Variants in TCF7 observed in about 807,000 individuals in gnomAD.
The protein encoded by TCF7 is T-cell-factor-7.
In TCF7, 19 loss-of-function variants were observed where a neutral mutation model predicts 46.8. That is an observed-to-expected ratio of 0.41 (90% CI 0.28 to 0.60). The LOEUF (loss-of-function observed/expected upper bound fraction) is 0.60. Ranked by LOEUF, TCF7 falls within the 20% of genes least tolerant of loss-of-function variation. The pLI is 0.35. For synonymous variants in TCF7, 245 were observed against 213.4 expected (o/e 1.15, Z -1.29); for missense variants, 547 against 504.6 (o/e 1.08, Z -0.81).
At chr5:134,113,737 GAATCC>G (rs1561640392), upstream of TCF7, among the ~76,000 whole-genome samples, 1 of 152,270 alleles carries the variant, frequency 6.6e-6, no homozygotes, top group Non-Finnish European at 1.5e-5. Context: ...AGATGCGCTG[GAATCC>G]AGGCACTTTC....
chr5:134,109,641 G>C, the TCF7 span, among the ~76,000 whole-genome samples: 278 of 152,164 alleles, frequency 1.8e-3, no homozygotes, highest in African/African-American at 6.3e-3. Flanking sequence ...GTGGTGGCAG[G>C]TGCCTGTAAT....
intron 9 of TCF7, chr5:134,144,698 G>T: frequency 1.1e-6 from 1 of 893,238 alleles, no homozygotes; most frequent in Non-Finnish European, 1.8e-6. Flanking sequence ...GTCTATAACT[G>T]GCTAACACTG....
At chr5:134,118,840 G>A (rs1278410587) in intron 3 of TCF7, among the ~76,000 whole-genome samples, 8 of 152,092 alleles carry the variant, frequency 5.3e-5, no homozygotes, top group Admixed American at 2.0e-4. Flanking sequence ...GGAGTGCAGT[G>A]GTGTGATCTT....
upstream of TCF7, among the ~76,000 whole-genome samples, chr5:134,109,944 C>G (rs748016398): frequency 2.0e-5 from 3 of 152,176 alleles, no homozygotes; most frequent in African/African-American, 4.8e-5. Context: ...ACCCGGCAGC[C>G]TAGGACCTGG....
rs1236742306 is a variant in TCF7 at position 134,147,685 on chromosome 5, G to T, written c.*1382G>T. 1 of 152,370 alleles carries T rather than the reference G, an allele frequency of 6.6e-6. No homozygotes were observed. 9.4% of individuals were successfully genotyped at this position (152,370 alleles called of 1,614,324 possible). A position where few individuals can be genotyped will look rare whatever the true frequency, so the allele number is the denominator to read the frequency against. ...TTTTTTGCCTAAATCCAAAGAAAAA[G>T]GGCTGCCGGGCCAGGCGCGGTGGCT... On this transcript the variant is annotated 3_prime_UTR_variant, in exon 10 of 10. Transcript: ENST00000342854.
chr5:134,130,320 C>T (rs1232260117), intron 3 of TCF7, among the ~76,000 whole-genome samples: 2 of 151,056 alleles, frequency 1.3e-5, no homozygotes, highest in African/African-American at 2.5e-5. Context: ...GCAGACTCCT[C>T]GGCACAAAGC....
chr5:134,142,047 T>TA (rs1759868337), intron 5 of TCF7, 138 bp from the exon 6 acceptor site: 4 of 1,221,984 alleles, frequency 3.3e-6, no homozygotes, highest in Non-Finnish European at 4.6e-6. Flanking sequence ...TCTGTGTACT[T>TA]ATGTCTAGGC....
chr5:134,115,052 C>A lies in TCF7; in HGVS notation c.146C>A (p.Ala49Asp). ...DSAAGPERDL[A>D]ELKSSLVNES... ...GCCGCCGGTCCCGAGCGCGACCTGGCCGAGCTCAAGTCGTCGCTCGTGAAC... is the reference window on the plus strand; with the variant it reads ...GCCGCCGGTCCCGAGCGCGACCTGGACGAGCTCAAGTCGTCGCTCGTGAAC... Residue 49 changes from alanine (A) to aspartate (D), a missense_variant, in exon 1 of 10, where the codon GCC (alanine) becomes GAC (aspartate). Physicochemically the swap from Ala to Asp is moderately radical, Grantham distance 126 (BLOSUM62 -2). Transcript: ENST00000342854. 1 of 1,223,006 alleles carries A rather than the reference C, an allele frequency of 8.2e-7. No homozygotes were observed. The highest frequency in any genetic ancestry group is 2.9e-5 in the Admixed American group (1 of 34,942). The allele number at this position is 1,223,006 out of a possible 1,614,324, so 75.8% of individuals were successfully genotyped here. A position where few individuals can be genotyped will look rare whatever the true frequency, so the allele number is the denominator to read the frequency against.
Position 134,139,036 on chromosome 5 carries a change from C to G in TCF7, c.633C>G (p.Ser211Arg). ...GSMGQLPHTV[S>R]WFTHPSLMLG... ...TGGGGCAGCTCCCCCACACTGTGAG[C>G]TGGTGAGTGTGGGCCCAATGGGAAA... Residue 211 changes from serine (S) to arginine (R), a missense_variant and splice_region_variant, in exon 5 of 10, where the codon AGC becomes AGG. Transcript: ENST00000342854. 1 of 1,613,742 alleles carries G rather than the reference C, an allele frequency of 6.2e-7. No individual in the cohort carries two copies. The highest frequency in any genetic ancestry group is 8.5e-7 in the Non-Finnish European group (1 of 1,179,978).
intron 3 of TCF7, among the ~76,000 whole-genome samples, chr5:134,119,722 G>T (rs190406575): frequency 1.5e-3 from 235 of 152,354 alleles, no homozygotes; most frequent in Middle Eastern, 3.4e-3. Context: ...GGAGGTGAGG[G>T]TATGAGCAAG....
intron 2 of TCF7, chr5:134,115,629 A>G (rs1403826512): frequency 2.1e-6 from 3 of 1,432,090 alleles, no homozygotes; most frequent in South Asian, 1.5e-5. Flanking sequence ...CCTCCTGCCC[A>G]GGTGACTGAC....
At chr5:134,145,957 G>T in intron 9 of TCF7, 1 of 1,475,842 alleles carries the variant, frequency 6.8e-7, no homozygotes, top group South Asian at 1.4e-5. Flanking sequence ...CAGGAGAGAT[G>T]ACTCCCTTGG....
intron 2 of TCF7, 127 bp from the exon 3 acceptor site, chr5:134,115,782 C>G (rs1268604923): frequency 1.0e-5 from 16 of 1,524,820 alleles, no homozygotes; most frequent in Non-Finnish European, 1.4e-5. Context: ...TACTCCCAGC[C>G]CGTTCCTTCC....
chr5:134,115,329 G>A lies in TCF7; in HGVS notation c.258G>A (p.Gly86=), dbSNP rs1278281988. The A allele has an allele frequency of 6.3e-7, 1 of 1,589,344 alleles. No individual in the cohort carries two copies. Among genetic ancestry groups the A allele is most frequent in the East Asian group, 2.3e-5 (1 of 43,300 alleles). The change falls in exon 2 of 10, where the codon GGG becomes GGA. Residue 86 remains glycine (G), a synonymous_variant. Transcript: ENST00000342854. The part of the protein sequence containing the change: ...AGARGEAEAL[G]REHAAQRLFP... ...TCCGGTTCTCCCTCCAGGCTCTCGG[G>A]CGGGAACACGCTGCGCAGAGACTCT...
chr5:134,138,289 G>C, intron 4 of TCF7, 125 bp downstream of exon 4: 1 of 785,912 alleles, frequency 1.3e-6, no homozygotes, highest in Non-Finnish European at 2.0e-6. Flanking sequence ...CAAACTAAGG[G>C]CCCAAAGAAA....
intron 8 of TCF7, 27 bp from the exon 9 acceptor site, chr5:134,143,565 G>A (rs764472398): frequency 1.2e-6 from 2 of 1,613,972 alleles, no homozygotes; most frequent in African/African-American, 1.3e-5. Flanking sequence ...TCCCAGATCT[G>A]AGCATCCCTC....
intron 5 of TCF7, chr5:134,141,040 T>C: frequency 3.2e-6 from 1 of 317,090 alleles, no homozygotes; most frequent in Non-Finnish European, 6.2e-6. Flanking sequence ...GTCCTGTGCC[T>C]GAGAATGAAG....
At chr5:134,136,150 A>T (rs1312413398) in intron 3 of TCF7, among the ~76,000 whole-genome samples, 1 of 152,064 alleles carries the variant, frequency 6.6e-6, no homozygotes, top group Admixed American at 6.6e-5. Flanking sequence ...GTGAGACAGG[A>T]GGTGGTAGCT....
intron 3 of TCF7, chr5:134,137,818 C>T (rs1759115488): frequency 1.0e-5 from 4 of 386,106 alleles, no homozygotes; most frequent in Non-Finnish European, 1.4e-5. Flanking sequence ...GACGCACCTC[C>T]AGGAATTGAG....
Sources: gnomAD v4.1 joint callset for allele counts (sites outside exome capture counted in the v4.1 genomes callset) on GRCh38, gnomAD v4.1.1 for gene constraint, MANE v1.5 for transcripts, NCBI Gene and HGNC (gene_info 2026-07-23, HGNC 2026-07-21) for gene names.